SYNPO2: variants seen among roughly 807,000 people sequenced by gnomAD.
The protein encoded by SYNPO2 is synaptopodin-2.
SYNPO2 carries 56 observed loss-of-function variants against 85.0 expected under a neutral mutation model. The observed-to-expected ratio is 0.66, with a 90% confidence interval of 0.53 to 0.82. The LOEUF (loss-of-function observed/expected upper bound fraction) is 0.82, where lower values mean the gene tolerates loss of function less well. Ranked by LOEUF, SYNPO2 falls within the 40% of genes least tolerant of loss-of-function variation. The pLI, the probability that SYNPO2 is intolerant of heterozygous loss-of-function variation, is 0.00. For missense variants in SYNPO2, 1,575 were observed against 1,534.2 expected, an observed-to-expected ratio of 1.03 and a Z score of -0.44; for synonymous variants, 602 against 591.1, an observed-to-expected ratio of 1.02 and a Z score of -0.27.
chr4:118,891,066 G>A (rs1373052837), intron 1 of SYNPO2, among the ~76,000 whole-genome samples: 1 of 152,078 alleles, frequency 6.6e-6, no homozygotes, highest in Non-Finnish European at 1.5e-5. Flanking sequence ...AGATTGCTAG[G>A]AAAGGGTGCT....
At chr4:118,934,696 G>A (rs781080237) in intron 1 of SYNPO2, among the ~76,000 whole-genome samples, 3 of 152,198 alleles carry the variant, frequency 2.0e-5, no homozygotes, top group Non-Finnish European at 4.4e-5. Flanking sequence ...CTTAGAAATA[G>A]AATGAGACTT....
rs550503369 is a variant in SYNPO2 at position 118,866,743 on chromosome 4, C to T, written c.12+15803C>T. On this transcript the variant is annotated intron_variant, in intron 1 of 4. Transcript: ENST00000610556. Reference sequence around the variant, plus strand: ...AAACTGTGCAGCACTTCCCCCTTCACTCTTTCTCTCTCCCTTGCCACCATG... The same window carrying T: ...AAACTGTGCAGCACTTCCCCCTTCATTCTTTCTCTCTCCCTTGCCACCATG... Among the ~76,000 whole-genome samples, 3 of 152,268 alleles carry T rather than the reference C, an allele frequency of 2.0e-5. No homozygotes were observed. The South Asian group carries it at 6.2e-4, about 32-fold the overall frequency.
At chr4:119,026,174 A>G (rs1369273288) in intron 2 of SYNPO2, among the ~76,000 whole-genome samples, 1 of 152,006 alleles carries the variant, frequency 6.6e-6, no homozygotes, top group African/African-American at 2.4e-5. Flanking sequence ...TAAAAGGACT[A>G]GTTGAGTTAT....
At chr4:118,907,313 TTA>T (rs1732971110) in intron 1 of SYNPO2, among the ~76,000 whole-genome samples, 1 of 152,144 alleles carries the variant, frequency 6.6e-6, no homozygotes, top group Admixed American at 6.5e-5. Context: ...TTTATAGCTT[TTA>T]TGTTTTGTTT....
rs199913740 is a variant in SYNPO2, at chr4:119,030,277, G to A, written c.1502G>A (p.Arg501Lys). The A allele has an allele frequency of 6.2e-7, 1 of 1,614,042 alleles. No individual in the cohort carries two copies. The highest frequency in any genetic ancestry group is 1.7e-5 in the Admixed American group (1 of 60,000). Residue 501 changes from arginine to lysine, a missense_variant, in exon 4 of 5, where the codon AGA becomes AAA. Arg to Lys is a conservative substitution (Grantham distance 26). Coordinates refer to ENST00000307142, the MANE Select transcript of SYNPO2 (RefSeq NM_133477.3). ...CTCATGTTTGCCAAGAGGAGGGAGA[G>A]AATGGATCAGATCACAGCCCAAAAA... ...GALMFAKRRE[R>K]MDQITAQKEE... is the part of the protein sequence containing the mutation.
At chr4:118,853,214 AAAAGTTCTGGGGCTTAGTAGGTTCTC>A (rs1731449767) in intron 1 of SYNPO2, among the ~76,000 whole-genome samples, 2 of 152,214 alleles carry the variant, frequency 1.3e-5, no homozygotes, top group Non-Finnish European at 2.9e-5. Flanking sequence ...AGCTCATAGC[AAAAGTTCTGGGGCTTAGTAGGTTCTC>A]AACAGATGTT....
At chr4:118,896,053 A>G (rs1294191212) in intron 1 of SYNPO2, among the ~76,000 whole-genome samples, 3 of 152,220 alleles carry the variant, frequency 2.0e-5, no homozygotes, top group Admixed American at 1.3e-4. Context: ...CAAAAGCATT[A>G]TATAAAGAAG....
intron 4 of SYNPO2, chr4:119,033,767 T>C: frequency 1.0e-6 from 1 of 984,920 alleles, no homozygotes; most frequent in South Asian, 4.7e-5. Context: ...AAAATCTTCC[T>C]TGTATGAGCT....
intron 1 of SYNPO2, among the ~76,000 whole-genome samples, chr4:118,939,860 C>T (rs578223217): frequency 2.0e-5 from 3 of 152,170 alleles, no homozygotes; most frequent in South Asian, 4.1e-4. Context: ...AGTGTTCTCA[C>T]GTAATATCAC....
chr4:119,035,329 T>C, intron 4 of SYNPO2: 2 of 985,422 alleles, frequency 2.0e-6, no homozygotes, highest in South Asian at 4.7e-5. Flanking sequence ...TACAGCATAT[T>C]CCCCTCAGTC....
At chr4:118,951,381 C>A (rs1734690293) in intron 1 of SYNPO2, among the ~76,000 whole-genome samples, 1 of 152,112 alleles carries the variant, frequency 6.6e-6, no homozygotes, top group African/African-American at 2.4e-5. Context: ...GTCACTTATC[C>A]CATTCATGAG....
chr4:118,961,624 TA>T (rs1480016632), intron 1 of SYNPO2, among the ~76,000 whole-genome samples: 1 of 152,212 alleles, frequency 6.6e-6, no homozygotes, highest in South Asian at 2.1e-4. Context: ...ATTTATCTTA[TA>T]TTTTTTGTGT....
At chr4:118,872,883 C>T (rs920330759) in intron 1 of SYNPO2, among the ~76,000 whole-genome samples, 15 of 152,092 alleles carry the variant, frequency 9.9e-5, no homozygotes, top group Middle Eastern at 3.4e-3. Context: ...TCCATGTGTA[C>T]ACATTATTTA....
At chr4:119,055,161 T>A (rs74694246) in intron 4 of SYNPO2, among the ~76,000 whole-genome samples, 23,802 of 151,636 alleles carry the variant, frequency 0.16, 1,984 homozygotes, top group Middle Eastern at 0.21. Flanking sequence ...TTATTTATTT[T>A]TTTTTTTTGA....
At chr4:118,951,673 G>A (rs925930210) in intron 1 of SYNPO2, among the ~76,000 whole-genome samples, 2 of 152,038 alleles carry the variant, frequency 1.3e-5, no homozygotes, top group African/African-American at 4.8e-5. Context: ...TAGTAATATA[G>A]GCCATGGCTG....
At chr4:118,976,586 A>G (rs939679962) in intron 1 of SYNPO2, among the ~76,000 whole-genome samples, 4 of 152,016 alleles carry the variant, frequency 2.6e-5, no homozygotes, top group South Asian at 2.1e-4. Flanking sequence ...TGATTGGTGC[A>G]TTTACAATCC....
chr4:119,023,686 GC>G, intron 2 of SYNPO2, 105 bp downstream of exon 2: 1 of 1,308,600 alleles, frequency 7.6e-7, no homozygotes, highest in Non-Finnish European at 1.0e-6. Context: ...AATTAGGGGT[GC>G]TTTGTAGAAG....
chr4:118,975,472 G>A (rs1265877819), intron 1 of SYNPO2, among the ~76,000 whole-genome samples: 1 of 152,136 alleles, frequency 6.6e-6, no homozygotes, highest in African/African-American at 2.4e-5. Flanking sequence ...GGAACTTAAG[G>A]ATACACACAG....
chr4:119,037,132 C>G (rs1738548438), intron 4 of SYNPO2: 3 of 1,541,242 alleles, frequency 1.9e-6, no homozygotes, highest in Non-Finnish European at 2.6e-6. Context: ...AATCTGGGAT[C>G]CATAGTCAAG....
Sources: gnomAD v4.1 joint callset for allele counts (sites outside exome capture counted in the v4.1 genomes callset) on GRCh38, gnomAD v4.1.1 for gene constraint, MANE v1.5 for transcripts, NCBI Gene and HGNC (gene_info 2026-07-23, HGNC 2026-07-21) for gene names.